Variants in USH2A observed in about 807,000 individuals in gnomAD.
The protein encoded by USH2A is usherin, also known as Usher syndrome 2A (autosomal recessive, mild).
Under a neutral mutation model 538.9 loss-of-function variants are expected in USH2A, and 443 were observed. The observed-to-expected ratio is 0.82, with a 90% CI of 0.76 to 0.89. The LOEUF is 0.89. Among genes scored for constraint, USH2A ranks in the 40% least tolerant of loss-of-function variants. USH2A has a pLI of 0.00. For missense variants in USH2A, 6,633 were observed against 6,324.8 expected, an observed-to-expected ratio of 1.05 and a Z score of -1.65; for synonymous variants, 2,413 against 2,273.5, an observed-to-expected ratio of 1.06 and a Z score of -1.75.
At chr1:215,703,773 C>A (rs1204458300) in intron 61 of USH2A, among the ~76,000 whole-genome samples, 1 of 152,160 alleles carries the variant, frequency 6.6e-6, no homozygotes, top group African/African-American at 2.4e-5. Context: ...ATCCACTGAG[C>A]AAGACCACAC....
chr1:216,378,402 C>T (rs536739685), intron 3 of USH2A, among the ~76,000 whole-genome samples: 19 of 152,196 alleles, frequency 1.2e-4, no homozygotes, highest in Admixed American at 1.1e-3. Flanking sequence ...AGGTAGTTTA[C>T]CTCTACCCTC....
chr1:216,245,004 G>A (rs2036009026), intron 13 of USH2A, among the ~76,000 whole-genome samples: 1 of 152,044 alleles, frequency 6.6e-6, no homozygotes, highest in South Asian at 2.1e-4. Flanking sequence ...TGACTGTGTA[G>A]GAGACAAAGG....
chr1:216,147,309 C>T (rs1014157760), intron 21 of USH2A, among the ~76,000 whole-genome samples: 5 of 152,158 alleles, frequency 3.3e-5, no homozygotes, highest in Non-Finnish European at 5.9e-5. Context: ...ACCTCCCCTC[C>T]TCACACCTGG....
At chr1:215,886,621 A>G (rs550762113) in intron 41 of USH2A, 1 of 152,338 alleles carries the variant, frequency 6.6e-6, no homozygotes, top group African/African-American at 2.4e-5. Flanking sequence ...ACTTGGGGTT[A>G]CCAATGCCTT....
chr1:216,109,248 A>T (rs2032808714), intron 21 of USH2A, among the ~76,000 whole-genome samples: 1 of 152,160 alleles, frequency 6.6e-6, no homozygotes, highest in Admixed American at 6.6e-5. Flanking sequence ...GGGCTGAGCT[A>T]CTTGCTTTGG....
chr1:216,383,990 C>T (rs1194023730), intron 3 of USH2A, among the ~76,000 whole-genome samples: 1 of 151,602 alleles, frequency 6.6e-6, no homozygotes, highest in Admixed American at 6.6e-5. Flanking sequence ...CATGGGGCAC[C>T]ACACCCAGCC....
chr1:216,184,335 C>A (rs1186104050), intron 20 of USH2A, among the ~76,000 whole-genome samples: 1 of 151,926 alleles, frequency 6.6e-6, no homozygotes, highest in African/African-American at 2.4e-5. Context: ...TCCCCACTTT[C>A]TTGGCAGCAG....
chr1:215,868,173 T>C (rs994188184), intron 43 of USH2A, among the ~76,000 whole-genome samples: 1 of 152,202 alleles, frequency 6.6e-6, no homozygotes, highest in Non-Finnish European at 1.5e-5. Flanking sequence ...TTTGTCTCAA[T>C]ATGTCACAAT....
chr1:216,023,241 A>G lies in USH2A; in HGVS notation c.6326-22679T>C, dbSNP rs572829419. On this transcript the variant is annotated intron_variant, in intron 32 of 71. Coordinates refer to ENST00000307340, the MANE Select transcript of USH2A (RefSeq NM_206933.4). ...TTTACCTACATCCACTTCAAGGTAC[A>G]ATCAATGGGTGCTCACTACATCAAA... Among the ~76,000 whole-genome samples the G allele has an allele frequency of 3.3e-5, 5 of 152,114 alleles. No homozygotes were observed. In the South Asian group the frequency reaches 1.0e-3, roughly 32 times the overall value.
intron 32 of USH2A, among the ~76,000 whole-genome samples, chr1:216,021,602 G>A (rs1668846269): frequency 6.6e-6 from 1 of 152,064 alleles, no homozygotes; most frequent in Non-Finnish European, 1.5e-5. Context: ...ACTCTTCCCT[G>A]GATATCTAGC....
intron 11 of USH2A, among the ~76,000 whole-genome samples, chr1:216,254,886 C>T (rs2036231226): frequency 6.6e-6 from 1 of 152,210 alleles, no homozygotes; most frequent in Non-Finnish European, 1.5e-5. Context: ...TAGCCACTAA[C>T]TTAAACAGCA....
intron 44 of USH2A, among the ~76,000 whole-genome samples, chr1:215,846,515 GT>G (rs1409835166): frequency 6.6e-6 from 1 of 152,096 alleles, no homozygotes; most frequent in Non-Finnish European, 1.5e-5. Context: ...CACCTGGTCA[GT>G]TTTTATTTTT....
chr1:215,782,869 C>A lies in USH2A; in HGVS notation c.10454G>T (p.Gly3485Val), dbSNP rs1214908534. The A allele has an allele frequency of 6.2e-7, 1 of 1,613,754 alleles. No individual in the cohort carries two copies. The highest frequency in any genetic ancestry group is 8.5e-7 in the Non-Finnish European group (1 of 1,179,912). ...RISAWNSYGR[G>V]LSKAVRARTK... ...TCTGGCTCTCACAGCTTTGCTGAGT[C>A]CTCGCCCATAGCTGTTCCAGGCAGA... Residue 3485 changes from glycine to valine, a missense_variant, in exon 53 of 72, where the codon GGA becomes GTA. Transcript: ENST00000307340.
At chr1:216,159,673 A>G (rs1270716075) in intron 21 of USH2A, among the ~76,000 whole-genome samples, 1 of 152,086 alleles carries the variant, frequency 6.6e-6, no homozygotes. Context: ...CTGACCTCAT[A>G]AAATGAGATA....
intron 30 of USH2A, among the ~76,000 whole-genome samples, chr1:216,063,485 C>G (rs1357082035): frequency 6.6e-6 from 1 of 151,906 alleles, no homozygotes; most frequent in Non-Finnish European, 1.5e-5. Flanking sequence ...CTTGATGACT[C>G]AATTTAGCAT....
chr1:216,147,299 A>G (rs1357893746), intron 21 of USH2A, among the ~76,000 whole-genome samples: 28 of 150,228 alleles, frequency 1.9e-4, no homozygotes, highest in African/African-American at 4.2e-4. Flanking sequence ...TCTTTTTATC[A>G]CCTCCCCTCC....
At chr1:216,030,619 A>G (rs1669100505) in intron 32 of USH2A, among the ~76,000 whole-genome samples, 1 of 147,164 alleles carries the variant, frequency 6.8e-6, no homozygotes, top group Non-Finnish European at 1.5e-5. Flanking sequence ...ATATAGATAT[A>G]TATCACAGAT....
At chr1:216,404,190 G>A (rs1382534783) in intron 3 of USH2A, among the ~76,000 whole-genome samples, 1 of 151,876 alleles carries the variant, frequency 6.6e-6, no homozygotes, top group Non-Finnish European at 1.5e-5. Flanking sequence ...ATATATTAGA[G>A]GACTCAATAT....
At chr1:216,125,413 A>G (rs182306647) in intron 21 of USH2A, among the ~76,000 whole-genome samples, 1 of 152,280 alleles carries the variant, frequency 6.6e-6, no homozygotes, top group East Asian at 1.9e-4. Flanking sequence ...ATACACTGTT[A>G]GTATTTTCTC....
Sources: gnomAD v4.1 joint callset for allele counts (sites outside exome capture counted in the v4.1 genomes callset) on GRCh38, gnomAD v4.1.1 for gene constraint, MANE v1.5 for transcripts, NCBI Gene and HGNC (gene_info 2026-07-23, HGNC 2026-07-21) for gene names.